Variants in THEMIS observed in about 807,000 individuals in gnomAD.
THEMIS encodes the protein thymocyte selection associated.
A neutral mutation model predicts 52.6 loss-of-function variants in THEMIS; 37 were observed. The observed-to-expected ratio is 0.70, with a 90% CI of 0.54 to 0.93. The LOEUF is 0.93. THEMIS is among the 40% of genes least tolerant of loss of function. The pLI, the probability that THEMIS is intolerant of heterozygous loss-of-function variation, is 0.00. For synonymous variants in THEMIS, 292 were observed against 272.7 expected, an observed-to-expected ratio of 1.07 and a Z score of -0.70; for missense variants, 808 against 763.1, an observed-to-expected ratio of 1.06 and a Z score of -0.69.
chr6:127,711,997 A>G (rs1773999252), intron 5 of THEMIS, among the ~76,000 whole-genome samples: 1 of 151,960 alleles, frequency 6.6e-6, no homozygotes, highest in South Asian at 2.1e-4. Context: ...GGAAATACCA[A>G]ATGAAATAAT....
rs371915552 is a variant in THEMIS, at chr6:127,813,688, A to G, written c.953T>C (p.Ile318Thr). 83 of 1,613,996 alleles carry G rather than the reference A, an allele frequency of 5.1e-5. No homozygotes were observed. Among genetic ancestry groups the G allele is most frequent in the Non-Finnish European group, 6.9e-5 (81 of 1,180,024 alleles). ...ATTGCTTCTAATTTCTGAAGCTAAG[A>G]TTCTTGATGCCTGGTACTTTTTGTG... is the stretch of plus-strand genomic sequence containing the variant. ...VIHKKYQASRILASEIRSNFP... is the reference protein window; with the variant it reads ...VIHKKYQASRTLASEIRSNFP... Residue 318 changes from isoleucine (I) to threonine (T), a missense_variant, in exon 4 of 6, where the codon ATC (isoleucine) becomes ACC (threonine). Ile to Thr is a moderately conservative substitution (Grantham distance 89). Transcript: ENST00000368248.
chr6:127,763,598 C>T (rs1776095509), intron 4 of THEMIS, among the ~76,000 whole-genome samples: 1 of 151,940 alleles, frequency 6.6e-6, no homozygotes, highest in Admixed American at 6.6e-5. Flanking sequence ...TATCCACTTG[C>T]AAATGATTGA....
rs187068559 is a variant in THEMIS, at chr6:127,725,448, G to A, written c.1759-5625C>T. ...TCTCCTACTGTGTGTGTGTGTGTGT[G>A]TCTGTGTGTGTGTGTCTGTGAGTGT... On this transcript the variant is annotated intron_variant, in intron 4 of 5. Transcript: ENST00000368248. Among the ~76,000 whole-genome samples, 6 of 151,926 alleles carry A rather than the reference G, an allele frequency of 3.9e-5. No individual in the cohort carries two copies. In the East Asian group the frequency reaches 9.7e-4, roughly 25 times the overall value.
intron 1 of THEMIS, among the ~76,000 whole-genome samples, chr6:127,911,853 G>A (rs1472007346): frequency 6.6e-6 from 1 of 151,554 alleles, no homozygotes; most frequent in Admixed American, 6.6e-5. Context: ...CTGGGACACT[G>A]CCTAGTGGAG....
At chr6:127,808,762 A>T (rs1562270475) in intron 4 of THEMIS, among the ~76,000 whole-genome samples, 1 of 151,052 alleles carries the variant, frequency 6.6e-6, no homozygotes, top group East Asian at 1.9e-4. Flanking sequence ...ACACCAATCT[A>T]TTTTTTTTTC....
chr6:127,889,366 A>G (rs1209485722), intron 1 of THEMIS, among the ~76,000 whole-genome samples: 1 of 152,150 alleles, frequency 6.6e-6, no homozygotes, highest in East Asian at 1.9e-4. Flanking sequence ...TTCTTTGGTT[A>G]TAAACTGCTC....
intron 3 of THEMIS, among the ~76,000 whole-genome samples, chr6:127,814,302 A>C (rs1046800449): frequency 1.3e-5 from 2 of 152,138 alleles, no homozygotes; most frequent in Admixed American, 6.5e-5. Context: ...ATGAATATAG[A>C]TATGTGTGTG....
chr6:127,724,796 A>C (rs963757809), intron 4 of THEMIS, among the ~76,000 whole-genome samples: 1 of 152,134 alleles, frequency 6.6e-6, no homozygotes, highest in African/African-American at 2.4e-5. Context: ...TCACAAACAA[A>C]GAAAGGAACA....
chr6:127,842,226 G>A (rs1360138634), intron 2 of THEMIS, among the ~76,000 whole-genome samples: 3 of 151,910 alleles, frequency 2.0e-5, no homozygotes, highest in African/African-American at 4.8e-5. Flanking sequence ...AAATAAAGAT[G>A]AAAGATTGAT....
intron 5 of THEMIS, among the ~76,000 whole-genome samples, chr6:127,714,125 C>G (rs1309067743): frequency 6.6e-6 from 1 of 151,842 alleles, no homozygotes; most frequent in Non-Finnish European, 1.5e-5. Context: ...AGGTTGTTCA[C>G]AATTCTTCTA....
intron 4 of THEMIS, among the ~76,000 whole-genome samples, chr6:127,765,737 A>G (rs1023660730): frequency 1.3e-5 from 2 of 152,062 alleles, no homozygotes; most frequent in African/African-American, 4.8e-5. Flanking sequence ...ATTCAGTACA[A>G]TAACATAATG....
intron 1 of THEMIS, among the ~76,000 whole-genome samples, chr6:127,912,617 A>G (rs1279206637): frequency 6.6e-6 from 1 of 152,206 alleles, no homozygotes; most frequent in East Asian, 1.9e-4. Flanking sequence ...ACTTGTAACC[A>G]GAATTGGTCT....
At chr6:127,906,965 T>A (rs988854097) in intron 1 of THEMIS, among the ~76,000 whole-genome samples, 5 of 149,646 alleles carry the variant, frequency 3.3e-5, no homozygotes, top group African/African-American at 1.2e-4. Context: ...AAAAAAAAAA[T>A]TCACAAGCAG....
At chr6:127,724,419 G>A (rs1230173217) in intron 4 of THEMIS, among the ~76,000 whole-genome samples, 2 of 152,076 alleles carry the variant, frequency 1.3e-5, no homozygotes, top group African/African-American at 4.8e-5. Context: ...GACAACAACT[G>A]GAGAAATAAA....
chr6:127,775,864 T>G (rs953293798), intron 4 of THEMIS, among the ~76,000 whole-genome samples: 1 of 152,226 alleles, frequency 6.6e-6, no homozygotes, highest in African/African-American at 2.4e-5. Flanking sequence ...TGTCAAGCTG[T>G]CAAGGGTTTT....
At position 127,717,397 on chromosome 6, in the gene THEMIS, CT is replaced by C. The variant is rs576911154; in HGVS notation, c.1894+2290del. 1.6e-4 allele frequency among the ~76,000 whole-genome samples: 25 copies of C among 151,872 alleles called. No homozygotes were observed. In the South Asian group the frequency reaches 1.7e-3, roughly 10 times the overall value. On this transcript the variant is annotated intron_variant, in intron 5 of 5. Transcript: ENST00000368248. The stretch of plus-strand genomic sequence containing the variant: ...ACTTAATCATCCTACTTTCAGAGAA[CT>C]TTTTTTTAAGTAATTTATGGATAAA...
intron 4 of THEMIS, among the ~76,000 whole-genome samples, chr6:127,741,840 CCCAAG>C (rs1775213358): frequency 6.6e-6 from 1 of 152,094 alleles, no homozygotes; most frequent in Non-Finnish European, 1.5e-5. Flanking sequence ...GACAGTTGGT[CCCAAG>C]CAACTGGCAG....
intron 1 of THEMIS, among the ~76,000 whole-genome samples, chr6:127,867,339 G>A (rs1354931388): frequency 6.6e-6 from 1 of 152,030 alleles, no homozygotes; most frequent in Admixed American, 6.6e-5. Flanking sequence ...AAAAGAAAAT[G>A]CTTATTTCTC....
intron 4 of THEMIS, among the ~76,000 whole-genome samples, chr6:127,762,551 C>T (rs1776058658): frequency 6.6e-6 from 1 of 152,018 alleles, no homozygotes. Context: ...ATCTCTATTC[C>T]AGCCATGACA....
Sources: gnomAD v4.1 joint callset for allele counts (sites outside exome capture counted in the v4.1 genomes callset) on GRCh38, gnomAD v4.1.1 for gene constraint, MANE v1.5 for transcripts, NCBI Gene and HGNC (gene_info 2026-07-23, HGNC 2026-07-21) for gene names.